Variants in GPHN observed in about 807,000 individuals in gnomAD.
The protein encoded by GPHN is gephyrin.
In GPHN, 17 loss-of-function variants were observed where a neutral mutation model predicts 95.5. That is an observed-to-expected ratio of 0.18 (90% CI 0.12 to 0.27). The LOEUF is 0.27. Among genes scored for constraint, GPHN ranks in the 10% least tolerant of loss-of-function variants. The pLI, the probability that GPHN is intolerant of heterozygous loss-of-function variation, is 1.00. For synonymous variants in GPHN, 320 were observed against 322.5 expected (o/e 0.99, Z 0.08); for missense variants, 660 against 978.1 (o/e 0.67, Z 4.34).
the GPHN span, chr14:67,574,473 C>A: frequency 7.8e-7 from 1 of 1,290,304 alleles, no homozygotes; most frequent in South Asian, 1.8e-5. The surrounding 1 kb of genome is among the most constrained non-coding windows in gnomAD (Gnocchi z 4.2). Flanking sequence ...ATTGGGGTGC[C>A]GAGGGTGGTG....
At chr14:67,730,103 G>A in the GPHN span, among the ~76,000 whole-genome samples, 1 of 152,236 alleles carries the variant, frequency 6.6e-6, no homozygotes, top group East Asian at 1.9e-4. Flanking sequence ...TTGGTACTCA[G>A]TTCTGAGTGT....
At chr14:67,600,414 G>T in the GPHN span, 1 of 518,298 alleles carries the variant, frequency 1.9e-6, no homozygotes, top group Non-Finnish European at 3.4e-6. Context: ...AAAAAACCTC[G>T]TCGGGGCAAT....
chr14:67,692,719 T>C, the GPHN span: 7 of 1,152,896 alleles, frequency 6.1e-6, no homozygotes, highest in African/African-American at 1.1e-4. Context: ...AACAGAGGTA[T>C]CTGATTAGCA....
At chr14:66,632,035 C>T (rs1429316755) in intron 1 of GPHN, among the ~76,000 whole-genome samples, 1 of 152,118 alleles carries the variant, frequency 6.6e-6, no homozygotes, top group East Asian at 1.9e-4. Flanking sequence ...TATTATTTTT[C>T]TGGTCAATAA....
At chr14:67,058,271 T>C (rs1440451954) in intron 10 of GPHN, among the ~76,000 whole-genome samples, 1 of 152,248 alleles carries the variant, frequency 6.6e-6, no homozygotes, top group African/African-American at 2.4e-5. Flanking sequence ...TTTCAAACTT[T>C]GAAAATTTTG....
At chr14:67,715,925 G>A in the GPHN span, among the ~76,000 whole-genome samples, 1 of 152,378 alleles carries the variant, frequency 6.6e-6, no homozygotes, top group East Asian at 1.9e-4. Context: ...GCCGGGGGCA[G>A]TGGCTTACGC....
intron 1 of GPHN, among the ~76,000 whole-genome samples, chr14:66,544,291 C>T (rs2059453687): frequency 6.6e-6 from 1 of 152,238 alleles, no homozygotes; most frequent in South Asian, 2.1e-4. Context: ...ACAGCCTCTT[C>T]TCCTTTTCAC....
chr14:67,175,025 G>C (rs559090966), intron 21 of GPHN, among the ~76,000 whole-genome samples: 8 of 152,190 alleles, frequency 5.3e-5, no homozygotes, highest in Non-Finnish European at 1.2e-4. Context: ...CATTCTGTAG[G>C]TTGCTTGTTC....
intron 21 of GPHN, among the ~76,000 whole-genome samples, chr14:67,175,660 A>T (rs181892076): frequency 3.9e-5 from 6 of 152,274 alleles, no homozygotes; most frequent in Middle Eastern, 3.4e-3. Context: ...TCTATAAATT[A>T]CTTTGGGCAG....
At chr14:66,804,108 C>T (rs1301126579) in intron 3 of GPHN, among the ~76,000 whole-genome samples, 1 of 151,996 alleles carries the variant, frequency 6.6e-6, no homozygotes, top group East Asian at 1.9e-4. Flanking sequence ...TCATATTGGC[C>T]ATAGGTGACT....
chr14:67,232,698 C>T, the GPHN span, among the ~76,000 whole-genome samples: 3 of 152,140 alleles, frequency 2.0e-5, no homozygotes, highest in Non-Finnish European at 4.4e-5. Context: ...TCACATTTTA[C>T]CAAGATCCTA....
intron 11 of GPHN, among the ~76,000 whole-genome samples, chr14:67,084,856 A>C (rs906821185): frequency 1.3e-5 from 2 of 152,242 alleles, no homozygotes; most frequent in African/African-American, 4.8e-5. Flanking sequence ...GCAAAAGCAC[A>C]GACTAGAAAA....
intron 12 of GPHN, among the ~76,000 whole-genome samples, chr14:67,094,789 G>T (rs2077284221): frequency 6.6e-6 from 1 of 152,098 alleles, no homozygotes; most frequent in Non-Finnish European, 1.5e-5. Flanking sequence ...AATTCCTATT[G>T]CCAAGTGAGA....
chr14:67,359,987 C>A, the GPHN span: 1 of 535,130 alleles, frequency 1.9e-6, no homozygotes, highest in Non-Finnish European at 3.3e-6. Flanking sequence ...CATCCAGCTT[C>A]CCTGCGGCTG....
the GPHN span, among the ~76,000 whole-genome samples, chr14:67,640,824 G>A: frequency 6.6e-6 from 1 of 152,224 alleles, no homozygotes; most frequent in African/African-American, 2.4e-5. Context: ...AGTTCTTAAA[G>A]TGTTGGACTC....
the GPHN span, among the ~76,000 whole-genome samples, chr14:67,483,803 C>G: frequency 1.3e-5 from 2 of 152,228 alleles, no homozygotes; most frequent in African/African-American, 4.8e-5. Context: ...CAGCCAAGAG[C>G]AGGGGCCAGC....
chr14:67,278,357 A>G, the GPHN span, among the ~76,000 whole-genome samples: 1 of 147,256 alleles, frequency 6.8e-6, no homozygotes, highest in Non-Finnish European at 1.5e-5. Context: ...TTTTTTTTTT[A>G]ATGGGACCAG....
At chr14:66,645,691 CAAAAAA>C (rs35278627) in intron 1 of GPHN, among the ~76,000 whole-genome samples, 3 of 109,078 alleles carry the variant, frequency 2.8e-5, no homozygotes, top group African/African-American at 9.1e-5. Flanking sequence ...GACTCCATTT[CAAAAAA>C]AAAAAAAAAG....
At chr14:66,671,548 A>G (rs1418075478) in intron 1 of GPHN, among the ~76,000 whole-genome samples, 2 of 152,214 alleles carry the variant, frequency 1.3e-5, no homozygotes, top group Non-Finnish European at 2.9e-5. Flanking sequence ...TAAGTTTTGC[A>G]TATAATCATT....
Sources: allele counts gnomAD v4.1 joint callset (sites outside exome capture counted in the v4.1 genomes callset), GRCh38; gene constraint gnomAD v4.1.1; non-coding constraint Gnocchi (gnomAD v3.1); transcripts MANE v1.5; gene names NCBI Gene and HGNC (gene_info 2026-07-23, HGNC 2026-07-21).